The following LSAMP variants were observed in gnomAD, a reference collection of about 807,000 sequenced individuals.
LSAMP encodes the protein limbic system associated membrane protein.
A neutral mutation model predicts 38.6 loss-of-function variants in LSAMP; 7 were observed. That is an observed-to-expected ratio of 0.18 (90% CI 0.10 to 0.34). The LOEUF (loss-of-function observed/expected upper bound fraction) is 0.34, where lower values mean the gene tolerates loss of function less well. Among genes scored for constraint, LSAMP ranks in the 10% least tolerant of loss-of-function variants. The probability of loss-of-function intolerance (pLI) is 1.00; values close to 1 mark genes in which losing one functional copy is unlikely to be tolerated. For missense variants in LSAMP, 313 were observed against 420.0 expected, an observed-to-expected ratio of 0.75 and a Z score of 2.23; for synonymous variants, 154 against 166.8, an observed-to-expected ratio of 0.92 and a Z score of 0.59.
Position 116,423,714 on chromosome 3 carries a change from T to C in LSAMP, c.155+21163A>G, listed in dbSNP as rs143536809. 6.4e-3 allele frequency among the ~76,000 whole-genome samples: 980 copies of C among 152,132 alleles called. 11 individuals carry two copies. The highest frequency in any genetic ancestry group is 0.021 in the African/African-American group (888 of 41,488). On this transcript the variant is annotated intron_variant, in intron 1 of 6. Coordinates refer to ENST00000490035, the MANE Select transcript of LSAMP (RefSeq NM_002338.5). ...AACCTCAATGGGAACAGAGAGCGAGTACTGAACATAGCACCAGAAACACGA... is the reference window on the plus strand; with the variant it reads ...AACCTCAATGGGAACAGAGAGCGAGCACTGAACATAGCACCAGAAACACGA...
chr3:116,283,217 A>T (rs1350767008), intron 1 of LSAMP, among the ~76,000 whole-genome samples: 14 of 128,636 alleles, frequency 1.1e-4, no homozygotes, highest in Non-Finnish European at 1.6e-5. Flanking sequence ...TCAGAAAAAA[A>T]AGAAGAAAGA....
Position 115,978,903 on chromosome 3 carries a change from AT to A in LSAMP, c.514+40611del, listed in dbSNP as rs201213569. ...GCAGTGATAGCCAACTTTAATTGAAATCAAAAGGAGGTGAGTAAGGAGATGA... is the reference window on the plus strand; with the variant it reads ...GCAGTGATAGCCAACTTTAATTGAAACAAAAGGAGGTGAGTAAGGAGATGA... On this transcript the variant is annotated intron_variant, in intron 3 of 6. Coordinates refer to ENST00000490035, the MANE Select transcript of LSAMP (RefSeq NM_002338.5). Among the ~76,000 whole-genome samples, 47 of 152,272 alleles carry A rather than the reference AT, an allele frequency of 3.1e-4. No homozygotes were observed. The East Asian group carries it at 9.1e-3, about 29-fold the overall frequency.
intron 3 of LSAMP, among the ~76,000 whole-genome samples, chr3:116,001,222 T>G (rs1939982214): frequency 6.6e-6 from 1 of 152,126 alleles, no homozygotes; most frequent in South Asian, 2.1e-4. Flanking sequence ...CAGAAAAGCT[T>G]CCTTTGTCAT....
intron 1 of LSAMP, among the ~76,000 whole-genome samples, chr3:116,256,274 T>TA (rs1439975452): frequency 6.5e-4 from 99 of 152,298 alleles, no homozygotes; most frequent in African/African-American, 2.4e-3. Context: ...CTAGTGCATT[T>TA]AAAACCTGTC....
At chr3:115,871,345 G>GA (rs1170184367) in intron 3 of LSAMP, among the ~76,000 whole-genome samples, 22 of 150,208 alleles carry the variant, frequency 1.5e-4, no homozygotes, top group Admixed American at 7.3e-4. Flanking sequence ...AGCAGAGACA[G>GA]AAAAAAAAAT....
intron 3 of LSAMP, among the ~76,000 whole-genome samples, chr3:115,933,975 G>A (rs552231582): frequency 6.6e-6 from 1 of 152,240 alleles, no homozygotes; most frequent in East Asian, 1.9e-4. Context: ...GCATTAAAAG[G>A]AAAGGAGGAT....
chr3:116,444,743 C>T, intron 1 of LSAMP, 134 bp downstream of exon 1: 1 of 1,155,104 alleles, frequency 8.7e-7, no homozygotes, highest in East Asian at 2.6e-5. Context: ...CACACACACA[C>T]ACCACAAGCC....
intron 1 of LSAMP, among the ~76,000 whole-genome samples, chr3:116,363,894 C>T (rs9799169): frequency 2.3e-5 from 2 of 85,228 alleles, no homozygotes; most frequent in Non-Finnish European, 4.2e-5. Flanking sequence ...GACAAACCCA[C>T]AGCCAATATC....
chr3:116,440,939 A>C (rs1394681156), intron 1 of LSAMP, among the ~76,000 whole-genome samples: 1 of 152,362 alleles, frequency 6.6e-6, no homozygotes, highest in Non-Finnish European at 1.5e-5. Context: ...ACACTTCATT[A>C]GTGAATATTG....
intron 3 of LSAMP, among the ~76,000 whole-genome samples, chr3:115,990,373 A>G (rs1471207397): frequency 6.6e-6 from 1 of 152,052 alleles, no homozygotes; most frequent in Non-Finnish European, 1.5e-5. Flanking sequence ...TGCTACTTCA[A>G]CTTGACAGGC....
At chr3:115,933,464 G>A (rs1001035032) in intron 3 of LSAMP, among the ~76,000 whole-genome samples, 2 of 152,172 alleles carry the variant, frequency 1.3e-5, no homozygotes, top group African/African-American at 2.4e-5. Flanking sequence ...TGCTGGATGA[G>A]TAGAGGAAAA....
At chr3:116,404,613 GATA>G (rs1163178782) in intron 1 of LSAMP, among the ~76,000 whole-genome samples, 1 of 152,076 alleles carries the variant, frequency 6.6e-6, no homozygotes, top group Non-Finnish European at 1.5e-5. Context: ...TTATTACAAT[GATA>G]ATGATGACAA....
At chr3:116,226,493 A>G (rs562012372) in intron 1 of LSAMP, among the ~76,000 whole-genome samples, 236 of 152,308 alleles carry the variant, frequency 1.5e-3, no homozygotes, top group African/African-American at 5.2e-3. Flanking sequence ...TCTGTCAGCG[A>G]CACCATCCTC....
intron 2 of LSAMP, among the ~76,000 whole-genome samples, chr3:116,072,556 A>G (rs1345525595): frequency 2.6e-5 from 4 of 152,132 alleles, no homozygotes; most frequent in South Asian, 2.1e-4. Context: ...CCTCCCTAGC[A>G]TCTGTTAAGT....
At chr3:115,843,563 A>G (rs2107507356) in intron 4 of LSAMP, among the ~76,000 whole-genome samples, 1 of 152,346 alleles carries the variant, frequency 6.6e-6, no homozygotes, top group Admixed American at 6.5e-5. Context: ...AAACAGACCC[A>G]GACACTCTGT....
intron 1 of LSAMP, among the ~76,000 whole-genome samples, chr3:116,277,177 G>T (rs1374208697): frequency 1.3e-5 from 2 of 152,126 alleles, no homozygotes; most frequent in Non-Finnish European, 2.9e-5. Context: ...TTAATTATAA[G>T]GCTCCAGTAG....
chr3:115,849,034 G>A (rs758063244), intron 4 of LSAMP, among the ~76,000 whole-genome samples: 14 of 152,146 alleles, frequency 9.2e-5, no homozygotes, highest in Non-Finnish European at 1.6e-4. Flanking sequence ...TGAAATTGAG[G>A]AACTGCACCT....
intron 1 of LSAMP, among the ~76,000 whole-genome samples, chr3:116,090,342 A>C (rs1034298361): frequency 5.3e-5 from 8 of 152,226 alleles, no homozygotes; most frequent in African/African-American, 1.9e-4. Flanking sequence ...CCACCTGGCT[A>C]TCTGGAAATA....
chr3:116,284,415 T>A (rs2047167374), intron 1 of LSAMP, among the ~76,000 whole-genome samples: 3 of 152,232 alleles, frequency 2.0e-5, no homozygotes, highest in African/African-American at 7.2e-5. Context: ...ATGTATACAT[T>A]CTTTAGGCTT....
Sources: gnomAD v4.1 joint callset for allele counts (sites outside exome capture counted in the v4.1 genomes callset) on GRCh38, gnomAD v4.1.1 for gene constraint, MANE v1.5 for transcripts, NCBI Gene and HGNC (gene_info 2026-07-23, HGNC 2026-07-21) for gene names.